The following IL1RAPL1 variants were observed in gnomAD, a reference collection of about 807,000 sequenced individuals.
The protein encoded by IL1RAPL1 is interleukin 1 receptor accessory protein like 1.
IL1RAPL1 carries 3 observed loss-of-function variants against 48.4 expected under a neutral mutation model. The ratio of observed to expected loss-of-function variants is 0.06; its 90% CI spans 0.03 to 0.16. IL1RAPL1 has a LOEUF of 0.16. IL1RAPL1 is among the 10% of genes least tolerant of loss of function. The pLI is 1.00. For synonymous variants in IL1RAPL1, 185 were observed against 187.7 expected (o/e 0.99, Z 0.12); for missense variants, 349 against 530.6 (o/e 0.66, Z 3.36).
chrX:29,918,144 A>ATATATATATATAT (rs1555935867), intron 7 of IL1RAPL1, among the ~76,000 whole-genome samples: 1 of 23,761 alleles, frequency 4.2e-5, no homozygotes, highest in African/African-American at 2.4e-4. Flanking sequence ...AAAAAAAAAA[A>ATATATATATATAT]ATATATATAT....
intron 2 of IL1RAPL1, among the ~76,000 whole-genome samples, chrX:29,208,726 T>G: frequency 1.1e-5 from 1 of 87,348 alleles, no homozygotes; most frequent in Non-Finnish European, 2.0e-5. Context: ...ATAATAATAA[T>G]AATAATAATA....
chrX:29,101,052 A>T (rs945613704), intron 2 of IL1RAPL1, among the ~76,000 whole-genome samples: 1 of 111,996 alleles, frequency 8.9e-6, no homozygotes, highest in South Asian at 3.7e-4. Context: ...TTATCATATA[A>T]AAAGAAATCC....
chrX:29,050,180 C>T (rs1433015395), intron 2 of IL1RAPL1, among the ~76,000 whole-genome samples: 3 of 111,708 alleles, frequency 2.7e-5, no homozygotes, highest in African/African-American at 9.8e-5. Flanking sequence ...CCTAGTGGCT[C>T]CAACTATAGG....
chrX:28,836,149 A>C (rs1223482073), intron 2 of IL1RAPL1, among the ~76,000 whole-genome samples: 1 of 109,822 alleles, frequency 9.1e-6, no homozygotes, highest in Non-Finnish European at 1.9e-5. Context: ...TGCAACTGTT[A>C]ATCAGCACAG....
intron 1 of IL1RAPL1, among the ~76,000 whole-genome samples, chrX:28,754,342 A>G (rs1936083204): frequency 8.9e-6 from 1 of 111,910 alleles, no homozygotes; most frequent in Non-Finnish European, 1.9e-5. Context: ...CCTTGAGTAC[A>G]TTTCTTATGC....
chrX:29,823,203 G>C (rs1362068228), intron 6 of IL1RAPL1, among the ~76,000 whole-genome samples: 2 of 111,382 alleles, frequency 1.8e-5, no homozygotes, highest in African/African-American at 6.5e-5. Flanking sequence ...GTGTAAGATG[G>C]GTTGTCACAA....
At chrX:28,851,344 A>G (rs1216233701) in intron 2 of IL1RAPL1, among the ~76,000 whole-genome samples, 2 of 110,906 alleles carry the variant, frequency 1.8e-5, no homozygotes, top group Non-Finnish European at 3.8e-5. Context: ...GCTTGTGGAT[A>G]GCCTCCCAGA....
intron 3 of IL1RAPL1, among the ~76,000 whole-genome samples, chrX:29,329,174 A>AACAC (rs772710766): frequency 9.2e-6 from 1 of 109,124 alleles, no homozygotes; most frequent in African/African-American, 3.3e-5. Flanking sequence ...CACACACTCA[A>AACAC]ACACACACAC....
chrX:29,111,479 CTTT>C lies in IL1RAPL1; in HGVS notation c.83-171456_83-171454del, dbSNP rs745706195. 3.2e-3 allele frequency among the ~76,000 whole-genome samples: 359 copies of C among 111,614 alleles called. 4 individuals carry two copies. The highest frequency in any genetic ancestry group is 0.011 in the African/African-American group (330 of 30,749). ...TATTGTATGATATAAACATATGGTG[CTTT>C]TTACTTAAGTTCTTGTTGATGGTGG... On this transcript the variant is annotated intron_variant, in intron 2 of 10. Transcript: ENST00000378993.
chrX:29,876,281 C>T (rs948744560), intron 6 of IL1RAPL1, among the ~76,000 whole-genome samples: 1 of 111,756 alleles, frequency 8.9e-6, no homozygotes, highest in African/African-American at 3.3e-5. Flanking sequence ...ATGCCAACCT[C>T]AGAGTGGGTC....
intron 6 of IL1RAPL1, among the ~76,000 whole-genome samples, chrX:29,692,708 C>T (rs1183648595): frequency 9.0e-6 from 1 of 110,932 alleles, no homozygotes; most frequent in African/African-American, 3.3e-5. Context: ...TTTATTTTTC[C>T]CAAGTTCCTA....
chrX:29,112,935 C>T (rs1023437485), intron 2 of IL1RAPL1, among the ~76,000 whole-genome samples: 2 of 108,946 alleles, frequency 1.8e-5, no homozygotes, highest in Non-Finnish European at 3.8e-5. Context: ...TGAGTAGCTA[C>T]GATTACAAGC....
intron 5 of IL1RAPL1, among the ~76,000 whole-genome samples, chrX:29,542,053 G>C (rs1921456576): frequency 1.8e-5 from 2 of 111,649 alleles, no homozygotes; most frequent in Admixed American, 9.6e-5. Flanking sequence ...GTAAAGTCAT[G>C]AGGCACGGTA....
chrX:29,032,199 T>C (rs1296608024), intron 2 of IL1RAPL1, among the ~76,000 whole-genome samples: 2 of 112,023 alleles, frequency 1.8e-5, no homozygotes, highest in Non-Finnish European at 3.8e-5. Flanking sequence ...GTAGCAAATA[T>C]TATGAATGGC....
At chrX:29,094,862 A>G (rs1436532396) in intron 2 of IL1RAPL1, among the ~76,000 whole-genome samples, 6 of 101,016 alleles carry the variant, frequency 5.9e-5, no homozygotes, top group Admixed American at 5.6e-4. Flanking sequence ...AAAGAAAACA[A>G]CTACTGATCT....
At chrX:28,724,548 C>T (rs891397585) in intron 1 of IL1RAPL1, among the ~76,000 whole-genome samples, 6 of 111,240 alleles carry the variant, frequency 5.4e-5, no homozygotes, top group Non-Finnish European at 1.1e-4. Flanking sequence ...ACTCTTTATC[C>T]AATTTGCCAG....
intron 5 of IL1RAPL1, among the ~76,000 whole-genome samples, chrX:29,440,849 T>G (rs993832357): frequency 1.8e-5 from 2 of 111,732 alleles, no homozygotes; most frequent in Admixed American, 1.9e-4. Context: ...AATTTTACAG[T>G]TATTACTTGT....
chrX:29,508,981 A>C, intron 5 of IL1RAPL1, among the ~76,000 whole-genome samples: 1 of 112,271 alleles, frequency 8.9e-6, no homozygotes. Context: ...AACATTTACT[A>C]AGTACTTGCA....
intron 2 of IL1RAPL1, among the ~76,000 whole-genome samples, chrX:28,931,398 A>G (rs1923877549): frequency 8.9e-6 from 1 of 112,256 alleles, no homozygotes; most frequent in Non-Finnish European, 1.9e-5. Context: ...ATTTATTTTC[A>G]GTGTATTATG....
Sources: allele counts gnomAD v4.1 joint callset (sites outside exome capture counted in the v4.1 genomes callset), GRCh38; gene constraint gnomAD v4.1.1; transcripts MANE v1.5; gene names NCBI Gene and HGNC (gene_info 2026-07-23, HGNC 2026-07-21).